C1GALT1: variants seen among roughly 807,000 people sequenced by gnomAD.
C1GALT1 encodes core 1 synthase, glycoprotein-N-acetylgalactosamine 3-beta-galactosyltransferase 1, also known as glycoprotein-N-acetylgalactosamine 3-beta-galactosyltransferase 1.
In C1GALT1, 11 loss-of-function variants were observed where a neutral mutation model predicts 31.0. The observed-to-expected ratio is 0.36, with a 90% CI of 0.22 to 0.59. The LOEUF is 0.59. C1GALT1 is among the 20% of genes least tolerant of loss of function. The pLI is 0.79. For missense variants in C1GALT1, 424 were observed against 425.2 expected, an observed-to-expected ratio of 1.00 and a Z score of 0.03; for synonymous variants, 175 against 143.6, an observed-to-expected ratio of 1.22 and a Z score of -1.56.
intron 1 of C1GALT1, among the ~76,000 whole-genome samples, chr7:7,226,491 A>G (rs1305244931): frequency 6.6e-6 from 1 of 152,172 alleles, no homozygotes. Context: ...GTGAAAGAAT[A>G]TTCTTGAACT....
chr7:7,222,298 C>T (rs1782544754), intron 1 of C1GALT1, among the ~76,000 whole-genome samples: 2 of 152,120 alleles, frequency 1.3e-5, no homozygotes, highest in African/African-American at 4.8e-5. Flanking sequence ...TTAATTTCTG[C>T]TCCTTAATTT....
upstream of C1GALT1, among the ~76,000 whole-genome samples, chr7:7,179,827 C>T (rs1237593565): frequency 6.9e-6 from 1 of 144,228 alleles, no homozygotes; most frequent in African/African-American, 2.6e-5. Flanking sequence ...TATGGCTGTT[C>T]TACCTCCAGT....
At chr7:7,194,736 GT>G (rs1003287414) in intron 1 of C1GALT1, among the ~76,000 whole-genome samples, 16 of 152,148 alleles carry the variant, frequency 1.1e-4, no homozygotes, top group South Asian at 8.3e-4. Context: ...GTGGGATAGT[GT>G]CAATAGGATT....
chr7:7,230,178 TA>T (rs970314878), intron 1 of C1GALT1, among the ~76,000 whole-genome samples: 22 of 152,214 alleles, frequency 1.4e-4, no homozygotes, highest in African/African-American at 5.1e-4. Flanking sequence ...GATTTTGGGA[TA>T]TTTTTATATC....
chr7:7,237,456 T>C (rs1303588001), intron 2 of C1GALT1, among the ~76,000 whole-genome samples: 1 of 152,234 alleles, frequency 6.6e-6, no homozygotes, highest in Non-Finnish European at 1.5e-5. Flanking sequence ...TTTGATTGGT[T>C]GGTTCTGATA....
chr7:7,238,711 C>G lies in C1GALT1; in HGVS notation c.677C>G (p.Ala226Gly), dbSNP rs752687285. Residue 226 changes from alanine to glycine, a missense_variant, in exon 3 of 4, where the codon GCA becomes GGA. By Grantham distance (60) the Ala-to-Gly change is moderately conservative. Transcript: ENST00000436587. The surrounding 1 kb of genome is among the most constrained non-coding windows in gnomAD (Gnocchi z 5.2). ...GAAGCCTTGAAAAGATTTGTTGATGCATTTAAAACAGACAAGTGTACACAT... is the reference window on the plus strand; with the variant it reads ...GAAGCCTTGAAAAGATTTGTTGATGGATTTAAAACAGACAAGTGTACACAT... ...SKEALKRFVD[A>G]FKTDKCTHSS... 1 of 1,613,954 alleles carries G rather than the reference C, an allele frequency of 6.2e-7. No homozygotes were observed. Among genetic ancestry groups the G allele is most frequent in the Non-Finnish European group, 8.5e-7 (1 of 1,179,904 alleles).
chr7:7,245,898 C>G lies in C1GALT1; in HGVS notation c.*2171C>G, dbSNP rs1241043898. 4.6e-5 allele frequency: 7 copies of G among 152,086 alleles called. No individual in the cohort carries two copies. Among genetic ancestry groups the G allele is most frequent in the Non-Finnish European group, 8.8e-5 (6 of 68,022 alleles). 9.4% of individuals were successfully genotyped at this position (152,086 alleles called of 1,614,324 possible). A position where few individuals can be genotyped will look rare whatever the true frequency, so the allele number is the denominator to read the frequency against. On this transcript the variant is annotated 3_prime_UTR_variant, in exon 4 of 4. Coordinates refer to ENST00000436587, the MANE Select transcript of C1GALT1 (RefSeq NM_020156.5). ...TTTAATCTCTCTGTGTCTCAATTTC[C>G]TCATCTTTTAATTAGGGATGATAAT...
intron 1 of C1GALT1, among the ~76,000 whole-genome samples, chr7:7,212,745 G>T (rs1298298116): frequency 6.6e-6 from 1 of 152,108 alleles, no homozygotes; most frequent in Admixed American, 6.5e-5. Context: ...CACAAGGGCG[G>T]GGAGGAATGT....
chr7:7,172,634 A>C (rs1780466201), intron 2 of C1GALT1, among the ~76,000 whole-genome samples: 1 of 152,202 alleles, frequency 6.6e-6, no homozygotes. Context: ...AAACTCTAAA[A>C]AAAAAATTAA....
chr7:7,189,312 G>A (rs1006733673), intron 1 of C1GALT1, among the ~76,000 whole-genome samples: 3 of 152,004 alleles, frequency 2.0e-5, no homozygotes, highest in Non-Finnish European at 4.4e-5. Context: ...ATATATCAAG[G>A]CATAATTAGT....
chr7:7,240,090 G>C (rs1783557251), intron 3 of C1GALT1, among the ~76,000 whole-genome samples: 1 of 152,162 alleles, frequency 6.6e-6, no homozygotes, highest in African/African-American at 2.4e-5. Flanking sequence ...ATCTTCATAA[G>C]GCAATGCTTT....
At chr7:7,190,847 CTT>C (rs1781041006) in intron 1 of C1GALT1, among the ~76,000 whole-genome samples, 1 of 152,056 alleles carries the variant, frequency 6.6e-6, no homozygotes. Context: ...TTTTAGAATA[CTT>C]TTTGCCAAGT....
At chr7:7,173,924 G>GA (rs1235645399) in intron 2 of C1GALT1, among the ~76,000 whole-genome samples, 9 of 151,862 alleles carry the variant, frequency 5.9e-5, no homozygotes, top group Non-Finnish European at 1.2e-4. Flanking sequence ...TTTAAAATAG[G>GA]AAAAAAATAA....
chr7:7,239,230 G>A (rs947158476), intron 3 of C1GALT1, among the ~76,000 whole-genome samples: 1 of 152,202 alleles, frequency 6.6e-6, no homozygotes, highest in African/African-American at 2.4e-5. Flanking sequence ...TAAACAGGCA[G>A]ACTTGTAAAT....
At chr7:7,182,037 C>T (rs572077002), upstream of C1GALT1, among the ~76,000 whole-genome samples, 33 of 152,192 alleles carry the variant, frequency 2.2e-4, no homozygotes, top group Non-Finnish European at 4.1e-4. Flanking sequence ...ATCATTATCT[C>T]GGTTCTCAGC....
chr7:7,178,277 G>C (rs1780527248), upstream of C1GALT1: 1 of 232,156 alleles, frequency 4.3e-6, no homozygotes, highest in Non-Finnish European at 9.7e-6. Flanking sequence ...GTTGCAGAGA[G>C]AGTCATCAGA....
At position 7,217,615 on chromosome 7, in the gene C1GALT1, A is replaced by G. The variant is rs554754345; in HGVS notation, c.-17-16688A>G. 3.4e-4 allele frequency among the ~76,000 whole-genome samples: 51 copies of G among 152,206 alleles called. 1 individual carries two copies. Among genetic ancestry groups the G allele is most frequent in the Non-Finnish European group, 1.2e-4 (8 of 68,032 alleles). On this transcript the variant is annotated intron_variant, in intron 1 of 3. Coordinates refer to ENST00000436587, the MANE Select transcript of C1GALT1 (RefSeq NM_020156.5). ...CTTCTTTAAAAGCTTTGAGAAAACT[A>G]TTGAAAACTTAAGAGGTGTAGGCAT... is the stretch of plus-strand genomic sequence containing the variant.
At chr7:7,163,106 G>C (rs2128226580) in intron 2 of C1GALT1, among the ~76,000 whole-genome samples, 1 of 152,274 alleles carries the variant, frequency 6.6e-6, no homozygotes, top group South Asian at 2.1e-4. Context: ...CTGTGCAGAA[G>C]CTCTTTAGTT....
At chr7:7,167,313 A>T (rs1035418555) in intron 2 of C1GALT1, among the ~76,000 whole-genome samples, 1 of 152,214 alleles carries the variant, frequency 6.6e-6, no homozygotes, top group South Asian at 2.1e-4. Context: ...TATTGGGAGA[A>T]CAGCATTCAT....
Sources: gnomAD v4.1 joint callset for allele counts (sites outside exome capture counted in the v4.1 genomes callset) on GRCh38, gnomAD v4.1.1 for gene constraint, Gnocchi (gnomAD v3.1) non-coding constraint, MANE v1.5 for transcripts, NCBI Gene and HGNC (gene_info 2026-07-23, HGNC 2026-07-21) for gene names.